Variants in ZRANB1 observed in about 807,000 individuals in gnomAD.
ZRANB1 encodes zinc finger RANBP2-type containing 1, also known as ubiquitin thioesterase ZRANB1.
In ZRANB1, 16 loss-of-function variants were observed where a neutral mutation model predicts 80.5. The observed-to-expected ratio is 0.20, with a 90% CI of 0.13 to 0.30. ZRANB1 has a LOEUF of 0.30. ZRANB1 is among the 10% of genes least tolerant of loss of function. The pLI is 1.00. For missense variants in ZRANB1, 576 were observed against 862.6 expected (o/e 0.67, Z 4.16); for synonymous variants, 291 against 293.1 (o/e 0.99, Z 0.07).
rs1390430373 is a variant in ZRANB1, at chr10:124,987,165, T to C, written c.*2173T>C. ...AATGCTATATTATGCTCTTGAACTA[T>C]TAAAACAGCCATAATTATTGTCCCA... On this transcript the variant is annotated 3_prime_UTR_variant, in exon 9 of 9. Transcript: ENST00000359653. 2.0e-5 allele frequency: 3 copies of C among 151,900 alleles called. No homozygotes were observed. Among genetic ancestry groups the C allele is most frequent in the Non-Finnish European group, 4.4e-5 (3 of 67,924 alleles). 9.4% of individuals were successfully genotyped at this position (151,900 alleles called of 1,614,324 possible).
chr10:124,978,072 TG>T (rs1464261957), intron 5 of ZRANB1, among the ~76,000 whole-genome samples: 2 of 151,964 alleles, frequency 1.3e-5, no homozygotes, highest in African/African-American at 4.8e-5. Flanking sequence ...GGGGGTGGGT[TG>T]GGGTGAAAAT....
the ZRANB1 span, among the ~76,000 whole-genome samples, chr10:124,918,531 A>G: frequency 3.9e-5 from 6 of 152,190 alleles, no homozygotes; most frequent in Non-Finnish European, 8.8e-5. Flanking sequence ...ATAATGAGTT[A>G]TTTCTTTACC....
In ZRANB1 at chr10:124,983,772, C is replaced by T. The variant is rs1589858600; in HGVS notation, c.1908+84C>T. 8.6e-6 allele frequency: 8 copies of T among 933,666 alleles called. No homozygotes were observed. The highest frequency in any genetic ancestry group is 8.1e-5 in the South Asian group (5 of 61,590). The allele number at this position is 933,666 out of a possible 1,614,324, so 57.8% of individuals were successfully genotyped here. A position where few individuals can be genotyped will look rare whatever the true frequency, so the allele number is the denominator to read the frequency against. ...AAGTGCCTTTCAGGTGTGGTTTTAT[C>T]TGCACTATCACTTAATTTCTGAATG... On this transcript the variant is annotated intron_variant, in intron 8 of 8. Transcript: ENST00000359653. The surrounding 1 kb of genome is among the most constrained non-coding windows in gnomAD (Gnocchi z 6.2).
chr10:124,987,879 A>G lies in ZRANB1; in HGVS notation c.*2887A>G, dbSNP rs1952098878. 1 of 152,268 alleles carries G rather than the reference A, an allele frequency of 6.6e-6. No individual in the cohort carries two copies. The highest frequency in any genetic ancestry group is 2.4e-5 in the African/African-American group (1 of 41,466). 9.4% of individuals were successfully genotyped at this position (152,268 alleles called of 1,614,324 possible). On this transcript the variant is annotated 3_prime_UTR_variant, in exon 9 of 9. Coordinates refer to ENST00000359653, the MANE Select transcript of ZRANB1 (RefSeq NM_017580.3). Reference sequence around the variant, plus strand: ...TTAGTATAAAGGTTTAATTCTATTTAAAAAGAAGATCCATTAAATCAAGCT... The same window carrying G: ...TTAGTATAAAGGTTTAATTCTATTTGAAAAGAAGATCCATTAAATCAAGCT...
chr10:124,953,494 G>A (rs956615788), intron 1 of ZRANB1, among the ~76,000 whole-genome samples: 3 of 152,170 alleles, frequency 2.0e-5, no homozygotes, highest in Non-Finnish European at 4.4e-5. Flanking sequence ...TCAGGTCAGC[G>A]AAATAAATAT....
intron 1 of ZRANB1, among the ~76,000 whole-genome samples, chr10:124,949,511 ACACACACACAC>A (rs1187926111): frequency 8.9e-6 from 1 of 112,748 alleles, no homozygotes; most frequent in African/African-American, 2.6e-5. Flanking sequence ...ACACACACAC[ACACACACACAC>A]ATTTTTTTTT....
intron 1 of ZRANB1, among the ~76,000 whole-genome samples, chr10:124,944,773 C>T (rs1951566030): frequency 1.3e-5 from 2 of 152,134 alleles, no homozygotes; most frequent in East Asian, 1.9e-4. Context: ...GGATTATAGG[C>T]ATAATTTGCT....
intron 1 of ZRANB1, among the ~76,000 whole-genome samples, chr10:124,955,860 C>T (rs962893244): frequency 6.6e-6 from 1 of 152,134 alleles, no homozygotes; most frequent in African/African-American, 2.4e-5. Flanking sequence ...TCACCTCTTC[C>T]CTTTCTACTA....
chr10:124,971,207 G>C (rs922414823), intron 2 of ZRANB1, among the ~76,000 whole-genome samples: 1 of 152,142 alleles, frequency 6.6e-6, no homozygotes, highest in East Asian at 1.9e-4. Context: ...CCACAAACTA[G>C]ATATGACTGA....
the ZRANB1 span, among the ~76,000 whole-genome samples, chr10:124,936,861 C>A: frequency 6.6e-6 from 1 of 152,106 alleles, no homozygotes; most frequent in Admixed American, 6.6e-5. Flanking sequence ...ATTTGTAAAT[C>A]TCCGCAGATT....
Position 124,985,073 on chromosome 10 carries a change from G to T in ZRANB1, c.*81G>T, listed in dbSNP as rs548260457. 6.9e-6 allele frequency: 8 copies of T among 1,159,702 alleles called. No homozygotes were observed. The highest frequency in any genetic ancestry group is 9.9e-6 in the Non-Finnish European group (8 of 810,954). The allele number at this position is 1,159,702 out of a possible 1,614,324, so 71.8% of individuals were successfully genotyped here. ...TTAGTGTGGTGCTCCAAGCAGAGTC[G>T]ACATCATGGAATGAACCAAATCTGG... On this transcript the variant is annotated 3_prime_UTR_variant, in exon 9 of 9. Coordinates refer to ENST00000359653, the MANE Select transcript of ZRANB1 (RefSeq NM_017580.3).
At chr10:124,920,866 T>G in the ZRANB1 span, among the ~76,000 whole-genome samples, 1 of 152,156 alleles carries the variant, frequency 6.6e-6, no homozygotes, top group Non-Finnish European at 1.5e-5. Context: ...TGTATCTATC[T>G]ATGGAGACCA....
intron 1 of ZRANB1, among the ~76,000 whole-genome samples, chr10:124,960,587 T>TTA (rs1487538452): frequency 6.6e-6 from 1 of 152,096 alleles, no homozygotes; most frequent in Admixed American, 6.6e-5. Flanking sequence ...CCTGACTAAT[T>TTA]TTAAAAAATT....
intron 1 of ZRANB1, among the ~76,000 whole-genome samples, chr10:124,948,095 A>T (rs1951599911): frequency 6.6e-6 from 1 of 151,970 alleles, no homozygotes; most frequent in Non-Finnish European, 1.5e-5. Flanking sequence ...CAGCTCTGCC[A>T]CCCCTGAGAC....
the ZRANB1 span, among the ~76,000 whole-genome samples, chr10:124,932,002 C>G: frequency 6.6e-6 from 1 of 152,174 alleles, no homozygotes; most frequent in Non-Finnish European, 1.5e-5. Context: ...TTGCAATCCC[C>G]TGATCTTTTT....
chr10:124,948,092 G>A (rs1203986760), intron 1 of ZRANB1, among the ~76,000 whole-genome samples: 1 of 151,996 alleles, frequency 6.6e-6, no homozygotes, highest in African/African-American at 2.4e-5. Context: ...TACCAGCTCT[G>A]CCACCCCTGA....
In ZRANB1 at chr10:124,977,294, T is replaced by G. The variant is rs181627763; in HGVS notation, c.1427+2896T>G. 4.7e-3 allele frequency among the ~76,000 whole-genome samples: 674 copies of G among 142,408 alleles called. 4 individuals carry two copies. Among genetic ancestry groups the G allele is most frequent in the African/African-American group, 0.014 (543 of 38,360 alleles). 93.4% of individuals were successfully genotyped at this position (142,408 alleles called of 152,430 possible). A position where few individuals can be genotyped will look rare whatever the true frequency, so the allele number is the denominator to read the frequency against. ...CCTGGCCTTTTTTTTTTTTTTTTTCTTTTTTTAAAAAGACATTTGTGGTGA... is the reference window on the plus strand; with the variant it reads ...CCTGGCCTTTTTTTTTTTTTTTTTCGTTTTTTAAAAAGACATTTGTGGTGA... On this transcript the variant is annotated intron_variant, in intron 5 of 8. Coordinates refer to ENST00000359653, the MANE Select transcript of ZRANB1 (RefSeq NM_017580.3).
intron 1 of ZRANB1, among the ~76,000 whole-genome samples, chr10:124,964,035 C>T (rs975153070): frequency 6.6e-6 from 1 of 152,194 alleles, no homozygotes; most frequent in African/African-American, 2.4e-5. Flanking sequence ...GTCTGCCATG[C>T]TGGGGAATGG....
chr10:124,955,647 AT>A (rs1347011519), intron 1 of ZRANB1, among the ~76,000 whole-genome samples: 4 of 152,134 alleles, frequency 2.6e-5, no homozygotes, highest in Non-Finnish European at 4.4e-5. Context: ...TAATAGAGTT[AT>A]TTTTAGCAAC....
Sources: gnomAD v4.1 joint callset for allele counts (sites outside exome capture counted in the v4.1 genomes callset) on GRCh38, gnomAD v4.1.1 for gene constraint, Gnocchi (gnomAD v3.1) non-coding constraint, MANE v1.5 for transcripts, NCBI Gene and HGNC (gene_info 2026-07-23, HGNC 2026-07-21) for gene names.